The following SPATA20 variants were observed in gnomAD, a reference collection of about 807,000 sequenced individuals.
The protein encoded by SPATA20 is spermatogenesis-associated protein 20.
SPATA20 carries 74 observed loss-of-function variants against 98.9 expected under a neutral mutation model. That is an observed-to-expected ratio of 0.75 (90% CI 0.62 to 0.91). SPATA20 has a LOEUF of 0.91. Ranked by LOEUF, SPATA20 falls within the 40% of genes least tolerant of loss-of-function variation. SPATA20 has a pLI of 0.00. For missense variants in SPATA20, 1,016 were observed against 1,069.8 expected, an observed-to-expected ratio of 0.95 and a Z score of 0.70; for synonymous variants, 430 against 440.5, an observed-to-expected ratio of 0.98 and a Z score of 0.30.
intron 10 of SPATA20, 30 bp downstream of exon 10, chr17:50,550,640 G>T: frequency 6.2e-7 from 1 of 1,613,636 alleles, no homozygotes; most frequent in Non-Finnish European, 8.5e-7. Flanking sequence ...GGCAGGCCTG[G>T]CTGTGGGAGG....
In SPATA20 at chr17:50,555,330, C is replaced by T. The variant is rs2035097162; in HGVS notation, c.2238+18C>T. On this transcript the variant is annotated intron_variant, in intron 16 of 16. Transcript: ENST00000006658. ...CTAACAAGGTACCCATCCCTGTGAGCCCAATCTGCCACCTCCCCAGAGCTG... is the reference window on the plus strand; with the variant it reads ...CTAACAAGGTACCCATCCCTGTGAGTCCAATCTGCCACCTCCCCAGAGCTG... The T allele has an allele frequency of 3.1e-6, 5 of 1,610,558 alleles. No homozygotes were observed. Among genetic ancestry groups the T allele is most frequent in the Non-Finnish European group, 4.2e-6 (5 of 1,176,924 alleles).
intron 15 of SPATA20, among the ~76,000 whole-genome samples, 161 bp downstream of exon 15, chr17:50,554,611 A>G (rs2035070376): frequency 6.6e-6 from 1 of 152,032 alleles, no homozygotes; most frequent in Non-Finnish European, 1.5e-5. Context: ...AGAAGTTAAT[A>G]TGAGTCCGTG....
Position 50,549,461 on chromosome 17 carries a change from C to T in SPATA20, c.836C>T (p.Ala279Val). Residue 279 changes from alanine to valine, a missense_variant, in exon 7 of 17, where the codon GCT becomes GTT. Physicochemically the swap from Ala to Val is moderately conservative, Grantham distance 64. Coordinates refer to ENST00000006658, the MANE Select transcript of SPATA20 (RefSeq NM_022827.4). The stretch of plus-strand genomic sequence containing the variant: ...TATGATGAGGAATACGGTGGCTTCG[C>T]TGAGGCCCCCAAGTTTCCCACGCCG... ...EGYDEEYGGF[A>V]EAPKFPTPVI... The T allele has an allele frequency of 6.2e-7, 1 of 1,612,266 alleles. No homozygotes were observed. Among genetic ancestry groups the T allele is most frequent in the South Asian group, 1.1e-5 (1 of 91,082 alleles).
At position 50,550,737 on chromosome 17, in the gene SPATA20, A is replaced by G. The variant is rs2034998052; in HGVS notation, c.1203A>G (p.Ala401=). The change falls in exon 11 of 17, where the codon GCA becomes GCG. Residue 401 remains alanine (A), a synonymous_variant. Coordinates refer to ENST00000006658, the MANE Select transcript of SPATA20 (RefSeq NM_022827.4). ...GAGGCTTCTATAGCGCAGAAGATGC[A>G]GACTCGCCCCCAGAGCGGGGCCAGC... ...RSGGFYSAED[A]DSPPERGQRP... is the part of the protein sequence containing the mutation. 6.2e-7 allele frequency: 1 copy of G among 1,613,118 alleles called. No homozygotes were observed. The highest frequency in any genetic ancestry group is 1.7e-5 in the Admixed American group (1 of 60,012).
rs1392664582 is a variant in SPATA20 at position 50,548,953 on chromosome 17, ACGTTCGTGCAGGTGAGCAGCCCTCCT to A, written c.508_516+17del. The A allele has an allele frequency of 6.2e-7, 1 of 1,614,094 alleles. No individual in the cohort carries two copies. The highest frequency in any genetic ancestry group is 1.7e-5 in the Admixed American group (1 of 60,024). ...GCCTGACGTGGACAAGGTGTACATG[ACGTTCGTGCAGGTGAGCAGCCCTCCT>A]CGGGAGTGTATGCGCCACATGGGCT... On this transcript the variant is annotated splice_donor_variant and splice_donor_5th_base_variant and coding_sequence_variant and intron_variant, in exon 5 of 17. Coordinates refer to ENST00000006658, the MANE Select transcript of SPATA20 (RefSeq NM_022827.4). LOFTEE classifies it high-confidence loss of function.
Position 50,554,292 on chromosome 17 carries a change from C to A in SPATA20, c.1999C>A (p.His667Asn). ...GCCCAGCGCCAATTCCGTGTCAGCC[C>A]ACAACCTGCTCCGGCTGCATGGCTT... Reference protein sequence around the residue: ...AEPSANSVSAHNLLRLHGFTG... With the variant: ...AEPSANSVSANNLLRLHGFTG... The change falls in exon 15 of 17, where the codon CAC becomes AAC. Residue 667 changes from histidine to asparagine, a missense_variant. By Grantham distance (68) the His-to-Asn change is moderately conservative. Coordinates refer to ENST00000006658, the MANE Select transcript of SPATA20 (RefSeq NM_022827.4). 1 of 1,614,216 alleles carries A rather than the reference C, an allele frequency of 6.2e-7. No homozygotes were observed. Among genetic ancestry groups the A allele is most frequent in the Non-Finnish European group, 8.5e-7 (1 of 1,180,046 alleles).
chr17:50,551,260 A>AT, intron 12 of SPATA20, 70 bp downstream of exon 12: 1 of 1,423,988 alleles, frequency 7.0e-7, no homozygotes, highest in Non-Finnish European at 9.5e-7. Flanking sequence ...TCTTTCCGGC[A>AT]GCGGCTAAAT....
chr17:50,548,238 G>T, intron 2 of SPATA20, 45 bp from the exon 3 acceptor site: 1 of 1,598,778 alleles, frequency 6.3e-7, no homozygotes. Context: ...CTGGGAGAAG[G>T]TGGGTGGAGG....
intron 3 of SPATA20, 36 bp downstream of exon 3, chr17:50,548,489 T>C (rs1317505785): frequency 5.0e-6 from 8 of 1,613,384 alleles, no homozygotes; most frequent in East Asian, 4.5e-5. Context: ...CTGGAATCGC[T>C]GGGGTCCTGG....
Position 50,550,088 on chromosome 17 carries a change from C to CG in SPATA20, c.971dup (p.Ile325HisfsTer24). ...TGCATACCCTGAAAATGATGGCTAA[C>CG]GGGGGCATCCGGGACCATGTGGGGC... On this transcript the variant is annotated frameshift_variant, in exon 8 of 17. Coordinates refer to ENST00000006658, the MANE Select transcript of SPATA20 (RefSeq NM_022827.4). LOFTEE classifies it high-confidence loss of function. 1 of 1,612,198 alleles carries CG rather than the reference C, an allele frequency of 6.2e-7. No homozygotes were observed. Among genetic ancestry groups the CG allele is most frequent in the Non-Finnish European group, 8.5e-7 (1 of 1,179,102 alleles).
chr17:50,551,718 A>G (rs2035019507), intron 13 of SPATA20, 39 bp downstream of exon 13: 6 of 1,563,950 alleles, frequency 3.8e-6, no homozygotes, highest in African/African-American at 2.7e-5. Flanking sequence ...CGTCTCCCCA[A>G]CGCGTCCCCA....
chr17:50,549,394 G>T lies in SPATA20; in HGVS notation c.769G>T (p.Ala257Ser), dbSNP rs113193422. 6 of 1,612,488 alleles carry T rather than the reference G, an allele frequency of 3.7e-6. No homozygotes were observed. In the East Asian group the frequency reaches 1.3e-4, roughly 36 times the overall value. ...VGDRQLPPSA[A>S]TVNNRCFQQL... ...TGACCGCCAGCTGCCGCCCTCTGCC[G>T]CCACCGTGAACAATCGCTGCTTCCA... Residue 257 changes from alanine (A) to serine (S), a missense_variant, in exon 7 of 17, where the codon GCC becomes TCC. Physicochemically the swap from Ala to Ser is moderately conservative, Grantham distance 99. Transcript: ENST00000006658.
chr17:50,552,067 G>A lies in SPATA20; in HGVS notation c.1844G>A (p.Trp615Ter). 1 of 1,613,908 alleles carries A rather than the reference G, an allele frequency of 6.2e-7. No individual in the cohort carries two copies. Among genetic ancestry groups the A allele is most frequent in the South Asian group, 1.1e-5 (1 of 91,074 alleles). ...EASQESAWLE[W>*]ALRLQDTQDK... ...TCACAGGAGAGTGCGTGGCTCGAGT[G>A]GGCTCTGCGGCTGCAGGACACACAG... is the stretch of plus-strand genomic sequence containing the variant. Residue 615 changes from tryptophan (W) to a stop codon, truncating the protein, a stop_gained, in exon 14 of 17, where the codon TGG (tryptophan) becomes TAG (stop). Transcript: ENST00000006658. LOFTEE classifies it high-confidence loss of function.
chr17:50,551,932 G>A, intron 13 of SPATA20, 37 bp from the exon 14 acceptor site: 1 of 1,528,950 alleles, frequency 6.5e-7, no homozygotes, highest in Non-Finnish European at 8.9e-7. Context: ...CTCTCCTGGG[G>A]CTCTCCCCAG....
intron 1 of SPATA20, 191 bp from the exon 2 acceptor site, chr17:50,547,529 A>G (rs910489179): frequency 3.9e-5 from 26 of 674,040 alleles, no homozygotes; most frequent in Non-Finnish European, 6.8e-5. Flanking sequence ...CCAGCTCCTC[A>G]GGGACTGTTC....
intron 14 of SPATA20, among the ~76,000 whole-genome samples, chr17:50,552,985 C>G (rs1351294810): frequency 6.6e-6 from 1 of 152,240 alleles, no homozygotes; most frequent in Non-Finnish European, 1.5e-5. Flanking sequence ...TTGACCAAGG[C>G]TCACTTGGTC....
At position 50,548,792 on chromosome 17, in the gene SPATA20, C is replaced by T. The variant is rs763143580; in HGVS notation, c.362-18C>T. ...ACCCGTTGCTGGCCCCCTGACCTCTCCCCATGGCCCTGTTCAGTCGGGTAC... is the reference window on the plus strand; with the variant it reads ...ACCCGTTGCTGGCCCCCTGACCTCTTCCCATGGCCCTGTTCAGTCGGGTAC... On this transcript the variant is annotated intron_variant, in intron 4 of 16. Transcript: ENST00000006658. 3 of 1,606,220 alleles carry T rather than the reference C, an allele frequency of 1.9e-6. No individual in the cohort carries two copies. In the Admixed American group the frequency reaches 5.0e-5, roughly 27 times the overall value.
Position 50,555,776 on chromosome 17 carries a change from G to C in SPATA20, c.*114G>C. 1.1e-6 allele frequency: 1 copy of C among 918,574 alleles called. No homozygotes were observed. The highest frequency in any genetic ancestry group is 1.6e-6 in the Non-Finnish European group (1 of 621,980). 56.9% of individuals were successfully genotyped at this position (918,574 alleles called of 1,614,324 possible). On this transcript the variant is annotated 3_prime_UTR_variant, in exon 17 of 17. Transcript: ENST00000006658. ...GCCATCCCTGAGCACCCTGCCACCA[G>C]GTGACCTCGGCCATACTCACTGCCC...
chr17:50,555,417 T>C, intron 16 of SPATA20, 75 bp from the exon 17 acceptor site: 2 of 1,603,710 alleles, frequency 1.2e-6, no homozygotes, highest in Non-Finnish European at 1.7e-6. Flanking sequence ...AAGAGGGAAC[T>C]TCCCAGTGGG....
Sources: allele counts gnomAD v4.1 joint callset (sites outside exome capture counted in the v4.1 genomes callset), GRCh38; gene constraint gnomAD v4.1.1; transcripts MANE v1.5; gene names NCBI Gene and HGNC (gene_info 2026-07-23, HGNC 2026-07-21).